Variants in ARL15 observed in about 807,000 individuals in gnomAD.
ARL15 encodes the protein ARF like GTPase 15.
A neutral mutation model predicts 25.2 loss-of-function variants in ARL15; 19 were observed. That is an observed-to-expected ratio of 0.75 (90% CI 0.53 to 1.10). The LOEUF is 1.10. Among genes scored for constraint, ARL15 ranks in the 50% least tolerant of loss-of-function variants. The pLI, the probability that ARL15 is intolerant of heterozygous loss-of-function variation, is 0.00. For synonymous variants in ARL15, 94 were observed against 86.8 expected (o/e 1.08, Z -0.46); for missense variants, 220 against 246.0 (o/e 0.89, Z 0.71).
chr5:54,129,591 T>C (rs1753371877), intron 3 of ARL15, among the ~76,000 whole-genome samples: 1 of 152,212 alleles, frequency 6.6e-6, no homozygotes, highest in Admixed American at 6.5e-5. Context: ...TAATGTAGCA[T>C]GCAATAGCCA....
chr5:54,125,076 T>G (rs1296540337), intron 3 of ARL15, among the ~76,000 whole-genome samples: 25 of 143,372 alleles, frequency 1.7e-4, no homozygotes, highest in African/African-American at 6.4e-4. Context: ...TTTTGTTTTG[T>G]TTTGTTTTGT....
chr5:54,266,414 CAG>C (rs1717701300), intron 1 of ARL15, among the ~76,000 whole-genome samples: 1 of 152,182 alleles, frequency 6.6e-6, no homozygotes, highest in South Asian at 2.1e-4. Context: ...ACAAAAATCC[CAG>C]AGTCACTAAG....
At chr5:54,087,274 A>G (rs1751993683) in intron 4 of ARL15, among the ~76,000 whole-genome samples, 1 of 151,904 alleles carries the variant, frequency 6.6e-6, no homozygotes, top group Non-Finnish European at 1.5e-5. Flanking sequence ...CTTGCAGTGA[A>G]CTGAGATCAA....
intron 4 of ARL15, among the ~76,000 whole-genome samples, chr5:54,083,093 T>C (rs1751856835): frequency 6.6e-6 from 1 of 152,208 alleles, no homozygotes; most frequent in South Asian, 2.1e-4. Flanking sequence ...ACAATGCATT[T>C]ATTTTTCTCA....
chr5:53,920,220 G>T (rs1745801003), intron 4 of ARL15, among the ~76,000 whole-genome samples: 1 of 151,954 alleles, frequency 6.6e-6, no homozygotes, highest in African/African-American at 2.4e-5. Flanking sequence ...TTTATTTTTG[G>T]TAGAGTAGCC....
rs534516786 is a variant in ARL15, at chr5:53,931,620, G to T, written c.463-44907C>A. 1.8e-4 allele frequency among the ~76,000 whole-genome samples: 27 copies of T among 152,196 alleles called. No individual in the cohort carries two copies. The South Asian group carries it at 2.9e-3, about 16-fold the overall frequency. On this transcript the variant is annotated intron_variant, in intron 4 of 4. Transcript: ENST00000504924. ...TCCAATCCTACCTCTCTCATCTTTG[G>T]CACCTTTACTTTCTTCCACTATTTA...
intron 2 of ARL15, among the ~76,000 whole-genome samples, chr5:54,170,149 A>G (rs1260358964): frequency 2.0e-5 from 3 of 152,184 alleles, no homozygotes; most frequent in Non-Finnish European, 4.4e-5. Context: ...GAATTGAGAC[A>G]GCCATGGCTT....
chr5:54,234,043 G>T (rs1756739105), intron 1 of ARL15, among the ~76,000 whole-genome samples: 1 of 152,002 alleles, frequency 6.6e-6, no homozygotes, highest in Non-Finnish European at 1.5e-5. Context: ...CTGTTGCCAG[G>T]CTGGTACAAC....
At chr5:53,987,362 C>T (rs1343131488) in intron 4 of ARL15, among the ~76,000 whole-genome samples, 1 of 152,076 alleles carries the variant, frequency 6.6e-6, no homozygotes, top group Admixed American at 6.6e-5. Context: ...TTCTCTTCAT[C>T]TAGATCTAGC....
At chr5:54,124,909 A>T (rs1343913443) in intron 3 of ARL15, among the ~76,000 whole-genome samples, 2 of 152,064 alleles carry the variant, frequency 1.3e-5, no homozygotes, top group African/African-American at 2.4e-5. Context: ...ACTTCTTGAT[A>T]TTGACCCCTG....
intron 4 of ARL15, among the ~76,000 whole-genome samples, chr5:53,977,130 G>A: frequency 6.6e-6 from 1 of 152,036 alleles, no homozygotes. Flanking sequence ...AGGCCGAGGC[G>A]GGCGGATCAC....
intron 4 of ARL15, among the ~76,000 whole-genome samples, chr5:53,888,987 A>C (rs966560318): frequency 6.6e-6 from 1 of 152,216 alleles, no homozygotes; most frequent in Admixed American, 6.5e-5. Flanking sequence ...GCTTCCCATC[A>C]GATGAAGTAT....
chr5:53,904,041 G>A (rs1232615568), intron 4 of ARL15, among the ~76,000 whole-genome samples: 1 of 152,072 alleles, frequency 6.6e-6, no homozygotes, highest in Non-Finnish European at 1.5e-5. Context: ...TCTAAAGGAG[G>A]GACAGAAGGC....
chr5:53,941,226 T>C (rs1746530350), intron 4 of ARL15, among the ~76,000 whole-genome samples: 1 of 152,150 alleles, frequency 6.6e-6, no homozygotes, highest in Admixed American at 6.5e-5. Flanking sequence ...AATCCAACAT[T>C]ATACATCATT....
intron 1 of ARL15, among the ~76,000 whole-genome samples, chr5:54,240,943 G>A (rs558164596): frequency 1.4e-4 from 22 of 152,068 alleles, no homozygotes; most frequent in Non-Finnish European, 2.8e-4. Context: ...CTGATCCCAC[G>A]CATTTCAGAT....
chr5:54,223,304 A>G, intron 1 of ARL15, among the ~76,000 whole-genome samples: 1 of 151,468 alleles, frequency 6.6e-6, no homozygotes, highest in Non-Finnish European at 1.5e-5. Flanking sequence ...ACCACCTAGG[A>G]TATGTTTGTG....
intron 4 of ARL15, among the ~76,000 whole-genome samples, chr5:53,888,042 A>G (rs1007710180): frequency 3.9e-5 from 6 of 152,106 alleles, no homozygotes; most frequent in African/African-American, 1.4e-4. Context: ...ATGTCCAAAA[A>G]GTCTCCTTAT....
intron 4 of ARL15, among the ~76,000 whole-genome samples, chr5:54,109,827 T>C (rs1000245491): frequency 1.3e-5 from 2 of 151,986 alleles, no homozygotes; most frequent in Non-Finnish European, 2.9e-5. Context: ...GAGTAAATTC[T>C]GGAATTCACC....
intron 4 of ARL15, among the ~76,000 whole-genome samples, chr5:53,964,287 A>T (rs192477300): frequency 1.4e-3 from 212 of 152,180 alleles, no homozygotes; most frequent in African/African-American, 4.0e-3. Context: ...CCTTTTGTTT[A>T]AAAAAATTAG....
Sources: gnomAD v4.1 joint callset for allele counts (sites outside exome capture counted in the v4.1 genomes callset) on GRCh38, gnomAD v4.1.1 for gene constraint, MANE v1.5 for transcripts, NCBI Gene and HGNC (gene_info 2026-07-23, HGNC 2026-07-21) for gene names.